Variants in NOL6 observed in about 807,000 individuals in gnomAD.
The protein encoded by NOL6 is nucleolar protein 6.
NOL6 carries 33 observed loss-of-function variants against 131.7 expected under a neutral mutation model. That is an observed-to-expected ratio of 0.25 (90% CI 0.19 to 0.33). NOL6 has a LOEUF of 0.33. Among genes scored for constraint, NOL6 ranks in the 10% least tolerant of loss-of-function variants. NOL6 has a pLI of 1.00. For missense variants in NOL6, 1,297 were observed against 1,494.5 expected (o/e 0.87, Z 2.18); for synonymous variants, 580 against 605.7 (o/e 0.96, Z 0.62).
intron 8 of NOL6, 43 bp from the exon 9 acceptor site, chr9:33,468,609 G>A (rs763389371): frequency 1.9e-6 from 3 of 1,606,518 alleles, no homozygotes; most frequent in Non-Finnish European, 2.6e-6. Flanking sequence ...CCCCTTCTGG[G>A]GACCCAGCCC....
chr9:33,464,361 C>A (rs929643287), intron 21 of NOL6, among the ~76,000 whole-genome samples, 200 bp from the exon 22 acceptor site: 4 of 152,112 alleles, frequency 2.6e-5, no homozygotes, highest in African/African-American at 9.7e-5. Context: ...CAACCTCAGC[C>A]CAGAGGCAAA....
intron 3 of NOL6, 187 bp from the exon 4 acceptor site, chr9:33,470,378 T>A: frequency 2.2e-6 from 1 of 460,576 alleles, no homozygotes. Context: ...TAAATCACCT[T>A]AACTTAGCTC....
intron 1 of NOL6, 85 bp downstream of exon 1, chr9:33,473,703 GC>G: frequency 6.7e-7 from 1 of 1,501,810 alleles, no homozygotes; most frequent in Non-Finnish European, 9.2e-7. Context: ...GCTTTCACCC[GC>G]AAGCTGTCAG....
Position 33,463,227 on chromosome 9 carries a change from T to G in NOL6, c.3189+20A>C. 1 of 1,613,078 alleles carries G rather than the reference T, an allele frequency of 6.2e-7. No individual in the cohort carries two copies. The highest frequency in any genetic ancestry group is 8.5e-7 in the Non-Finnish European group (1 of 1,179,266). On this transcript the variant is annotated intron_variant, in intron 24 of 25. Coordinates refer to ENST00000297990, the MANE Select transcript of NOL6 (RefSeq NM_022917.5). ...ACCTGGAAGTCCCCTCCCCAGGTCA[T>G]TCAGCTGTTTAGGACCAACCCTGAG...
rs1272283139 is a variant in NOL6, at chr9:33,469,496, C to T, written c.727+3G>A. 3 of 1,601,480 alleles carry T rather than the reference C, an allele frequency of 1.9e-6. No homozygotes were observed. The highest frequency in any genetic ancestry group is 1.7e-4 in the Middle Eastern group (1 of 5,986). On this transcript the variant is annotated splice_donor_region_variant and intron_variant, in intron 5 of 25. Coordinates refer to ENST00000297990, the MANE Select transcript of NOL6 (RefSeq NM_022917.5). ...TGCCCTCAGCCCAATGTGTGCCTCT[C>T]ACCACGCGGCCGCAGCAACAGTGAG...
At chr9:33,473,339 C>T (rs1358203402) in intron 1 of NOL6, among the ~76,000 whole-genome samples, 1 of 152,206 alleles carries the variant, frequency 6.6e-6, no homozygotes. Flanking sequence ...TGCAGGATCC[C>T]AAACCTTTTC....
rs765524311 is a variant in NOL6 at position 33,473,863 on chromosome 9, C to A, written c.-21G>T. The A allele has an allele frequency of 2.5e-6, 4 of 1,594,418 alleles. No homozygotes were observed. Among genetic ancestry groups the A allele is most frequent in the East Asian group, 4.5e-5 (2 of 44,884 alleles). On this transcript the variant is annotated 5_prime_UTR_variant, in exon 1 of 26. Coordinates refer to ENST00000297990, the MANE Select transcript of NOL6 (RefSeq NM_022917.5). ...CCCATCACTCAGGGTCCAGCACTCT[C>A]CCGCACTTCAGATTCTAGCCGGGTC...
intron 3 of NOL6, chr9:33,470,414 C>T (rs1033520563): frequency 4.7e-5 from 16 of 339,760 alleles, no homozygotes; most frequent in Middle Eastern, 7.6e-4. Flanking sequence ...TTTTACGAGC[C>T]GGGCGTGGTG....
Position 33,466,636 on chromosome 9 carries a change from C to A in NOL6, c.2024G>T (p.Gly675Val), listed in dbSNP as rs1352090263. The change falls in exon 16 of 26, where the codon GGG (glycine) becomes GTG (valine). Residue 675 changes from glycine to valine, a missense_variant. Gly to Val is a moderately radical substitution (Grantham distance 109). Transcript: ENST00000297990. Reference protein sequence around the residue: ...CYDDLSRLLWGLEGLPLTVSA... With the variant: ...CYDDLSRLLWVLEGLPLTVSA... ...CACGGTCAGTGGGAGACCCTCTAGCCCCCACAGTAGGCGACTGAGGTCGTC... is the reference window on the plus strand; with the variant it reads ...CACGGTCAGTGGGAGACCCTCTAGCACCCACAGTAGGCGACTGAGGTCGTC... 1.9e-6 allele frequency: 3 copies of A among 1,614,052 alleles called. No homozygotes were observed. The highest frequency in any genetic ancestry group is 1.7e-6 in the Non-Finnish European group (2 of 1,180,034).
Position 33,465,317 on chromosome 9 carries a change from C to A in NOL6, c.2571G>T (p.Leu857=). The A allele has an allele frequency of 6.3e-7, 1 of 1,592,442 alleles. No homozygotes were observed. Among genetic ancestry groups the A allele is most frequent in the Admixed American group, 1.7e-5 (1 of 57,748 alleles). The change falls in exon 20 of 26, where the codon CTG becomes CTT. Residue 857 remains leucine, a synonymous_variant. Transcript: ENST00000297990. ...GCTGGGCACGCACCCACCGCTTGGC[C>A]AGCCGTGCCACACCAGAGAAGGCTG... is the stretch of plus-strand genomic sequence containing the variant. ...QHPAFSGVAR[L]AKRWVRAQLL... is the part of the protein sequence containing the mutation.
At chr9:33,470,845 G>A (rs1009288554) in intron 3 of NOL6, among the ~76,000 whole-genome samples, 18 of 151,020 alleles carry the variant, frequency 1.2e-4, no homozygotes, top group African/African-American at 3.9e-4. Context: ...CTAGTTTGAG[G>A]AGCCACCATT....
Position 33,468,820 on chromosome 9 carries a change from A to G in NOL6, c.1079T>C (p.Val360Ala). 6.2e-7 allele frequency: 1 copy of G among 1,614,062 alleles called. No individual in the cohort carries two copies. Among genetic ancestry groups the G allele is most frequent in the Non-Finnish European group, 8.5e-7 (1 of 1,179,964 alleles). Residue 360 changes from valine (V) to alanine (A), a missense_variant, in exon 8 of 26, where the codon GTG (valine) becomes GCG (alanine). By Grantham distance (64) the Val-to-Ala change is moderately conservative. Transcript: ENST00000297990. ...GGTGGTATGGATCTTGCGTGTAGACACAAGGAAGACAACCAGCATGGAGAC... is the reference window on the plus strand; with the variant it reads ...GGTGGTATGGATCTTGCGTGTAGACGCAAGGAAGACAACCAGCATGGAGAC... ...FLVSMLVVFL[V>A]STRKIHTTMS...
At position 33,466,437 on chromosome 9, in the gene NOL6, G is replaced by T; in HGVS notation, c.2092-12C>A. 6 of 1,614,004 alleles carry T rather than the reference G, an allele frequency of 3.7e-6. No homozygotes were observed. Among genetic ancestry groups the T allele is most frequent in the Non-Finnish European group, 5.1e-6 (6 of 1,179,844 alleles). ...GTTGGTGGGAACACCTGTGGAAGAA[G>T]AGGGGCTGAGGAATGGGCCTAGGAC... On this transcript the variant is annotated splice_polypyrimidine_tract_variant and intron_variant, in intron 16 of 25. Coordinates refer to ENST00000297990, the MANE Select transcript of NOL6 (RefSeq NM_022917.5).
At position 33,465,856 on chromosome 9, in the gene NOL6, C is replaced by T. The variant is rs1827224756; in HGVS notation, c.2406G>A (p.Glu802=). The change falls in exon 19 of 26, where the codon GAG becomes GAA. Residue 802 remains glutamate, a synonymous_variant. Transcript: ENST00000297990. ...VFRIRVAYQR[E]PQILKEVQSP... The stretch of plus-strand genomic sequence containing the variant: ...TCTGCACCTCCTTCAGGATCTGGGG[C>T]TCCCGCTGATAGGCCACGCGAATCC... 6.2e-7 allele frequency: 1 copy of T among 1,613,956 alleles called. No homozygotes were observed. Among genetic ancestry groups the T allele is most frequent in the Non-Finnish European group, 8.5e-7 (1 of 1,179,978 alleles).
In NOL6 at chr9:33,467,067, G is replaced by A. The variant is rs1160511812; in HGVS notation, c.1874+47C>T. On this transcript the variant is annotated intron_variant, in intron 14 of 25. Coordinates refer to ENST00000297990, the MANE Select transcript of NOL6 (RefSeq NM_022917.5). The surrounding 1 kb of genome is among the most constrained non-coding windows in gnomAD (Gnocchi z 4.4). The stretch of plus-strand genomic sequence containing the variant: ...CTGCCTGGGCCAGACCCCTGAAAAG[G>A]CTCCCCAGCCCACACTGCCTTCTGG... 1 of 1,612,874 alleles carries A rather than the reference G, an allele frequency of 6.2e-7. No homozygotes were observed. Among genetic ancestry groups the A allele is most frequent in the Non-Finnish European group, 8.5e-7 (1 of 1,179,136 alleles).
intron 20 of NOL6, 79 bp from the exon 21 acceptor site, chr9:33,465,055 C>A: frequency 6.8e-7 from 1 of 1,466,056 alleles, no homozygotes; most frequent in Non-Finnish European, 9.4e-7. Context: ...GAGCTCAGAC[C>A]CCCTGGTGTG....
At chr9:33,464,715 T>G (rs1421619406) in intron 21 of NOL6, among the ~76,000 whole-genome samples, 164 bp downstream of exon 21, 3 of 152,152 alleles carry the variant, frequency 2.0e-5, no homozygotes, top group Non-Finnish European at 4.4e-5. Context: ...GAGCAAACCA[T>G]GTCATAATGG....
rs1381502914 is a variant in NOL6, at chr9:33,467,567, C to T, written c.1603-51G>A. Reference sequence around the variant, plus strand: ...CAGTCCTCCAATCCTCCAGCCTGGCCTAGAAACCTACTTTCTAGCTAGCTA... The same window carrying T: ...CAGTCCTCCAATCCTCCAGCCTGGCTTAGAAACCTACTTTCTAGCTAGCTA... On this transcript the variant is annotated intron_variant, in intron 12 of 25. Coordinates refer to ENST00000297990, the MANE Select transcript of NOL6 (RefSeq NM_022917.5). This position sits in a 1 kb window ranked among gnomAD's most constrained non-coding sequence, Gnocchi z 4.4. 6.2e-7 allele frequency: 1 copy of T among 1,604,114 alleles called. No individual in the cohort carries two copies. Among genetic ancestry groups the T allele is most frequent in the Admixed American group, 1.7e-5 (1 of 59,108 alleles).
intron 5 of NOL6, 34 bp downstream of exon 5, chr9:33,469,465 A>G: frequency 1.1e-5 from 17 of 1,592,778 alleles, no homozygotes; most frequent in Non-Finnish European, 1.4e-5. Flanking sequence ...TTACCATCCC[A>G]TGCTATGCCC....
Sources: allele counts gnomAD v4.1 joint callset (sites outside exome capture counted in the v4.1 genomes callset), GRCh38; gene constraint gnomAD v4.1.1; non-coding constraint Gnocchi (gnomAD v3.1); transcripts MANE v1.5; gene names NCBI Gene and HGNC (gene_info 2026-07-23, HGNC 2026-07-21).